DMD: variants seen among roughly 807,000 people sequenced by gnomAD.
The protein encoded by DMD is mutant dystrophin.
Under a neutral mutation model 330.1 loss-of-function variants are expected in DMD, and 63 were observed. The observed-to-expected ratio is 0.19, with a 90% CI of 0.16 to 0.24. The LOEUF (loss-of-function observed/expected upper bound fraction) is 0.24. DMD is among the 10% of genes least tolerant of loss of function. The pLI, the probability that DMD is intolerant of heterozygous loss-of-function variation, is 1.00. For synonymous variants in DMD, 1,223 were observed against 959.8 expected (o/e 1.27, Z -5.07); for missense variants, 3,344 against 2,684.1 (o/e 1.25, Z -5.43).
chrX:32,292,453 G>A (rs771823780), intron 42 of DMD, among the ~76,000 whole-genome samples: 1 of 107,491 alleles, frequency 9.3e-6, no homozygotes, highest in Non-Finnish European at 1.9e-5. Flanking sequence ...GACTATAGGC[G>A]CCCACCACCA....
chrX:32,419,247 G>C (rs2098179552), intron 29 of DMD, among the ~76,000 whole-genome samples: 1 of 111,575 alleles, frequency 9.0e-6, no homozygotes, highest in Middle Eastern at 4.6e-3. Flanking sequence ...AGGGAGAAGA[G>C]GATAATTTAC....
At chrX:31,541,419 A>G (rs2073806627) in intron 55 of DMD, among the ~76,000 whole-genome samples, 1 of 109,115 alleles carries the variant, frequency 9.2e-6, no homozygotes, top group Admixed American at 9.8e-5. Context: ...TACATGTGCC[A>G]TGTTGGTGTG....
chrX:33,087,487 A>T (rs867643874), intron 1 of DMD, among the ~76,000 whole-genome samples: 2 of 111,909 alleles, frequency 1.8e-5, no homozygotes. Context: ...AGAAATGTTT[A>T]TTTGATTTGT....
chrX:31,816,821 C>CACACACACACACACACACAA (rs1432597505), intron 50 of DMD, among the ~76,000 whole-genome samples: 1 of 109,185 alleles, frequency 9.2e-6, no homozygotes, highest in Non-Finnish European at 1.9e-5. Context: ...CACACACACA[C>CACACACACACACACACACAA]AAAGAAAAAA....
chrX:32,258,978 A>C (rs182663513), intron 43 of DMD, among the ~76,000 whole-genome samples: 1 of 111,425 alleles, frequency 9.0e-6, no homozygotes, highest in East Asian at 2.8e-4. Context: ...CTATACTACA[A>C]ATTGTGGACT....
At chrX:31,913,739 C>CA (rs1556996828) in intron 47 of DMD, among the ~76,000 whole-genome samples, 269 of 79,818 alleles carry the variant, frequency 3.4e-3, no homozygotes, top group African/African-American at 0.021. Context: ...AAAACAAAAA[C>CA]AAAACAAAAC....
chrX:32,463,624 GA>G, intron 24 of DMD, 30 bp from the exon 25 acceptor site: 1 of 1,086,058 alleles, frequency 9.2e-7, no homozygotes, highest in Non-Finnish European at 1.2e-6. Context: ...TAAGCCAGCT[GA>G]AAAAAATTAC....
chrX:31,277,717 C>T (rs913348476), intron 62 of DMD, among the ~76,000 whole-genome samples: 2 of 111,486 alleles, frequency 1.8e-5, no homozygotes, highest in African/African-American at 3.3e-5. Flanking sequence ...ATGACCTGGC[C>T]TGAGGTGGAG....
intron 55 of DMD, among the ~76,000 whole-genome samples, chrX:31,573,968 C>A: frequency 9.0e-6 from 1 of 110,831 alleles, no homozygotes; most frequent in Non-Finnish European, 1.9e-5. Flanking sequence ...CAATATTAAT[C>A]TCTACTCCTA....
intron 9 of DMD, among the ~76,000 whole-genome samples, chrX:32,684,405 T>C (rs1405088834): frequency 3.6e-5 from 4 of 111,757 alleles, no homozygotes; most frequent in Non-Finnish European, 7.5e-5. Flanking sequence ...ACCCTAAGTT[T>C]TATTAATCCT....
chrX:33,041,383 G>T, intron 1 of DMD: 1 of 1,185,712 alleles, frequency 8.4e-7, no homozygotes, highest in Non-Finnish European at 1.1e-6. Flanking sequence ...TTCTCGCGGG[G>T]CTCGAGGGAC....
intron 34 of DMD, among the ~76,000 whole-genome samples, chrX:32,379,979 T>C (rs898821384): frequency 5.4e-5 from 6 of 111,542 alleles, no homozygotes; most frequent in African/African-American, 2.0e-4. Flanking sequence ...CATGAAATGA[T>C]TGGCCATCAG....
At chrX:31,439,804 C>T (rs748542877) in intron 60 of DMD, among the ~76,000 whole-genome samples, 8 of 111,819 alleles carry the variant, frequency 7.2e-5, no homozygotes, top group African/African-American at 2.6e-4. Flanking sequence ...AAAGGTTTAT[C>T]ATCATTTTAA....
intron 57 of DMD, among the ~76,000 whole-genome samples, chrX:31,483,956 G>C (rs1308568973): frequency 9.0e-6 from 1 of 111,373 alleles, no homozygotes; most frequent in African/African-American, 3.3e-5. Flanking sequence ...AACATCTGTG[G>C]TCTTTGTAGC....
intron 29 of DMD, among the ~76,000 whole-genome samples, chrX:32,416,941 T>C (rs2098168287): frequency 8.9e-6 from 1 of 112,022 alleles, no homozygotes; most frequent in South Asian, 3.7e-4. Context: ...TTAGTGTTTC[T>C]TTTTTACCTA....
Position 32,313,337 on chromosome X carries a change from G to C in DMD, c.5923-3061C>G, listed in dbSNP as rs187183470. Among the ~76,000 whole-genome samples the C allele has an allele frequency of 4.6e-3, 516 of 111,169 alleles. 2 individuals carry two copies. The highest frequency in any genetic ancestry group is 0.016 in the African/African-American group (482 of 30,712). Reference sequence around the variant, plus strand: ...TCTCAATAGATGCAGAAAAGGTCTTGGATAAATTCAACACCCTTTCATGTT... The same window carrying C: ...TCTCAATAGATGCAGAAAAGGTCTTCGATAAATTCAACACCCTTTCATGTT... On this transcript the variant is annotated intron_variant, in intron 41 of 78. Transcript: ENST00000357033.
chrX:32,277,185 G>C (rs181484982), intron 43 of DMD, among the ~76,000 whole-genome samples: 3 of 110,340 alleles, frequency 2.7e-5, no homozygotes, highest in Admixed American at 1.9e-4. Context: ...TGTAAGAAGA[G>C]ACAAAGAAGG....
intron 44 of DMD, among the ~76,000 whole-genome samples, chrX:32,064,284 A>T (rs1399060319): frequency 9.0e-6 from 1 of 110,978 alleles, no homozygotes. Flanking sequence ...TTAAAAAGAC[A>T]ATTTCTATGT....
chrX:32,816,719 G>A (rs1400586600), intron 5 of DMD, 79 bp from the exon 6 acceptor site: 1 of 974,877 alleles, frequency 1.0e-6, no homozygotes, highest in East Asian at 3.1e-5. Flanking sequence ...GAATGTCCTT[G>A]ATCTTCAGTG....
Sources: gnomAD v4.1 joint callset for allele counts (sites outside exome capture counted in the v4.1 genomes callset) on GRCh38, gnomAD v4.1.1 for gene constraint, MANE v1.5 for transcripts, NCBI Gene and HGNC (gene_info 2026-07-23, HGNC 2026-07-21) for gene names.